The following CACNA2D3 variants were observed in gnomAD, a reference collection of about 807,000 sequenced individuals.
CACNA2D3 encodes the protein calcium voltage-gated channel auxiliary subunit alpha2delta 3.
CACNA2D3 carries 60 observed loss-of-function variants against 160.6 expected under a neutral mutation model. The observed-to-expected ratio is 0.37, with a 90% confidence interval of 0.30 to 0.46. CACNA2D3 has a LOEUF of 0.46. CACNA2D3 is among the 20% of genes least tolerant of loss of function. The pLI, the probability that CACNA2D3 is intolerant of heterozygous loss-of-function variation, is 1.00. For missense variants in CACNA2D3, 1,205 were observed against 1,365.0 expected (o/e 0.88, Z 1.85); for synonymous variants, 558 against 492.9 (o/e 1.13, Z -1.75).
At chr3:55,038,504 T>A (rs9832120) in intron 35 of CACNA2D3, among the ~76,000 whole-genome samples, 2,535 of 152,148 alleles carry the variant, frequency 0.017, 69 homozygotes, top group African/African-American at 0.058. Context: ...TGAACATAAG[T>A]GCTATATATA....
chr3:54,456,393 T>A (rs1031206642), intron 4 of CACNA2D3, among the ~76,000 whole-genome samples: 11 of 152,076 alleles, frequency 7.2e-5, no homozygotes, highest in African/African-American at 2.7e-4. Flanking sequence ...CTACTGATTT[T>A]TATATTAATA....
At chr3:54,436,052 A>C (rs1052857608) in intron 4 of CACNA2D3, among the ~76,000 whole-genome samples, 1 of 152,232 alleles carries the variant, frequency 6.6e-6, no homozygotes, top group African/African-American at 2.4e-5. Context: ...ACTTAGTTTG[A>C]AAAACAGAGA....
At chr3:54,375,317 T>C (rs1449331) in intron 3 of CACNA2D3, among the ~76,000 whole-genome samples, 56,322 of 152,046 alleles carry the variant, frequency 0.37, 10,734 homozygotes, top group African/African-American at 0.45. Flanking sequence ...TATTCCCAGA[T>C]GAACACAGTG....
At chr3:54,669,458 T>G (rs1700120962) in intron 11 of CACNA2D3, among the ~76,000 whole-genome samples, 1 of 152,234 alleles carries the variant, frequency 6.6e-6, no homozygotes, top group African/African-American at 2.4e-5. Flanking sequence ...TCTCATTGTT[T>G]TCATAAAGTT....
At chr3:54,198,557 G>T (rs1435015537) in intron 2 of CACNA2D3, among the ~76,000 whole-genome samples, 1 of 152,244 alleles carries the variant, frequency 6.6e-6, no homozygotes, top group Non-Finnish European at 1.5e-5. Context: ...TTTGGACAAT[G>T]AAATTAAATT....
rs115723329 is a variant in CACNA2D3, at chr3:54,222,029, C to A, written c.205-98413C>A. ...GCACCTGGCCCTCAATATTTTTGAT[C>A]AGTAGTTGGTTGAACCCACGGATGC... On this transcript the variant is annotated intron_variant, in intron 2 of 37. Coordinates refer to ENST00000474759, the MANE Select transcript of CACNA2D3 (RefSeq NM_018398.3). Among the ~76,000 whole-genome samples the A allele has an allele frequency of 3.7e-3, 560 of 152,134 alleles. 2 individuals are homozygous for A. Among genetic ancestry groups the A allele is most frequent in the African/African-American group, 0.012 (512 of 41,490 alleles).
chr3:54,728,749 T>G (rs1294526055), intron 11 of CACNA2D3, among the ~76,000 whole-genome samples: 1 of 152,242 alleles, frequency 6.6e-6, no homozygotes, highest in Non-Finnish European at 1.5e-5. Context: ...TAATTTGTCC[T>G]GACTCTGCAG....
At chr3:54,245,227 A>ATT (rs1559894209) in intron 2 of CACNA2D3, among the ~76,000 whole-genome samples, 32 of 152,114 alleles carry the variant, frequency 2.1e-4, no homozygotes, top group African/African-American at 7.2e-4. Context: ...TTTTTTTTAA[A>ATT]AAATTTAAAT....
chr3:54,175,019 G>A (rs1474610551), intron 2 of CACNA2D3, among the ~76,000 whole-genome samples: 1 of 152,120 alleles, frequency 6.6e-6, no homozygotes, highest in Non-Finnish European at 1.5e-5. Flanking sequence ...GTGAGGCACG[G>A]CCAGCTCCAT....
chr3:54,922,537 A>G (rs919256590), intron 27 of CACNA2D3, among the ~76,000 whole-genome samples: 1 of 152,140 alleles, frequency 6.6e-6, no homozygotes, highest in Non-Finnish European at 1.5e-5. Flanking sequence ...GATATTGATT[A>G]TGTAATTTAC....
At chr3:54,271,307 A>T (rs1264065669) in intron 2 of CACNA2D3, among the ~76,000 whole-genome samples, 1 of 152,028 alleles carries the variant, frequency 6.6e-6, no homozygotes, top group East Asian at 1.9e-4. Flanking sequence ...CTTGCTAATC[A>T]ACCATCCTCT....
rs181967455 is a variant in CACNA2D3, at chr3:54,733,550, G to C, written c.1168-19049G>C. Among the ~76,000 whole-genome samples the C allele has an allele frequency of 1.1e-4, 16 of 152,244 alleles. No individual in the cohort carries two copies. In the East Asian group the frequency reaches 2.5e-3, roughly 24 times the overall value. On this transcript the variant is annotated intron_variant, in intron 11 of 37. Coordinates refer to ENST00000474759, the MANE Select transcript of CACNA2D3 (RefSeq NM_018398.3). Reference sequence around the variant, plus strand: ...GAGCCTGTAATTTCTCTCCTGTAACGAGAGTGGATGAAGGTTAACATTAGG... The same window carrying C: ...GAGCCTGTAATTTCTCTCCTGTAACCAGAGTGGATGAAGGTTAACATTAGG...
At chr3:54,664,442 C>T (rs1575412889) in intron 11 of CACNA2D3, among the ~76,000 whole-genome samples, 1 of 152,240 alleles carries the variant, frequency 6.6e-6, no homozygotes, top group East Asian at 1.9e-4. Flanking sequence ...GGCTGCTTGG[C>T]AGCTACACAG....
At chr3:54,716,750 C>G (rs182240805) in intron 11 of CACNA2D3, among the ~76,000 whole-genome samples, 1 of 152,112 alleles carries the variant, frequency 6.6e-6, no homozygotes, top group African/African-American at 2.4e-5. Context: ...TTTTCCATGT[C>G]TCAGCTTCCA....
At chr3:54,281,559 G>A (rs1479874288) in intron 2 of CACNA2D3, among the ~76,000 whole-genome samples, 3 of 152,152 alleles carry the variant, frequency 2.0e-5, no homozygotes, top group Admixed American at 6.5e-5. Flanking sequence ...ACTGCTGAGC[G>A]AGAGCTGTGC....
intron 5 of CACNA2D3, among the ~76,000 whole-genome samples, chr3:54,557,188 G>A (rs1702255048): frequency 6.6e-6 from 1 of 151,998 alleles, no homozygotes; most frequent in African/African-American, 2.4e-5. Context: ...TGATCAAATG[G>A]GTGTGTACAA....
chr3:54,544,335 A>G (rs1180165424), intron 5 of CACNA2D3, among the ~76,000 whole-genome samples: 1 of 149,444 alleles, frequency 6.7e-6, no homozygotes, highest in Non-Finnish European at 1.5e-5. Context: ...TTCTATCTTT[A>G]TATCTTTTGT....
At chr3:55,044,176 G>GA (rs1704022765) in intron 35 of CACNA2D3, among the ~76,000 whole-genome samples, 2 of 152,150 alleles carry the variant, frequency 1.3e-5, no homozygotes, top group Non-Finnish European at 2.9e-5. Context: ...AAACTGGGTT[G>GA]ATTATATAGC....
intron 4 of CACNA2D3, among the ~76,000 whole-genome samples, chr3:54,403,992 A>T (rs1699525220): frequency 6.6e-6 from 1 of 152,204 alleles, no homozygotes. Context: ...TGAAGTAGTA[A>T]TTAAAAGCCT....
Sources: gnomAD v4.1 joint callset for allele counts (sites outside exome capture counted in the v4.1 genomes callset) on GRCh38, gnomAD v4.1.1 for gene constraint, MANE v1.5 for transcripts, NCBI Gene and HGNC (gene_info 2026-07-23, HGNC 2026-07-21) for gene names.